WIPF2: variants seen among roughly 807,000 people sequenced by gnomAD.
The protein encoded by WIPF2 is WAS/WASL-interacting protein family member 2.
In WIPF2, 23 loss-of-function variants were observed where a neutral mutation model predicts 38.8. The ratio of observed to expected loss-of-function variants is 0.59; its 90% CI spans 0.43 to 0.84. The LOEUF (loss-of-function observed/expected upper bound fraction) is 0.84. Ranked by LOEUF, WIPF2 falls within the 40% of genes least tolerant of loss-of-function variation. The pLI is 0.00. For missense variants in WIPF2, 574 were observed against 580.5 expected, an observed-to-expected ratio of 0.99 and a Z score of 0.11; for synonymous variants, 210 against 223.2, an observed-to-expected ratio of 0.94 and a Z score of 0.53.
intron 1 of WIPF2, chr17:40,220,605 A>ATATATATATATATG (rs1224904787): frequency 8.6e-6 from 1 of 116,322 alleles, no homozygotes; most frequent in Non-Finnish European, 1.7e-5. Flanking sequence ...ATATATATAT[A>ATATATATATATATG]TATATATATA....
chr17:40,220,976 C>G (rs2145260419), intron 1 of WIPF2, among the ~76,000 whole-genome samples: 1 of 151,904 alleles, frequency 6.6e-6, no homozygotes, highest in African/African-American at 2.4e-5. Context: ...GACGGGGTTT[C>G]ACTGTGTTAG....
At chr17:40,233,691 G>A (rs527705141) in intron 1 of WIPF2, among the ~76,000 whole-genome samples, 1 of 152,220 alleles carries the variant, frequency 6.6e-6, no homozygotes, top group African/African-American at 2.4e-5. Flanking sequence ...TGTAATCCCA[G>A]CACTTTAGGA....
chr17:40,240,831 G>C (rs1375529409), intron 1 of WIPF2, among the ~76,000 whole-genome samples: 1 of 151,510 alleles, frequency 6.6e-6, no homozygotes, highest in Non-Finnish European at 1.5e-5. Context: ...TGTAGTACCA[G>C]CTACTCGGGA....
intron 1 of WIPF2, among the ~76,000 whole-genome samples, chr17:40,250,331 C>T (rs1486273873): frequency 5.6e-5 from 8 of 141,924 alleles, no homozygotes; most frequent in South Asian, 2.4e-4. Flanking sequence ...CCCGGGTTCA[C>T]GCCATTCTTC....
At chr17:40,258,546 G>A (rs1250419004) in intron 2 of WIPF2, among the ~76,000 whole-genome samples, 3 of 151,974 alleles carry the variant, frequency 2.0e-5, no homozygotes, top group South Asian at 4.1e-4. Context: ...AGCCGAGATC[G>A]CGCCACTGCA....
In WIPF2 at chr17:40,233,834, C is replaced by T. The variant is rs550439223; in HGVS notation, c.-70+14342C>T. Among the ~76,000 whole-genome samples the T allele has an allele frequency of 2.6e-5, 4 of 151,972 alleles. No individual in the cohort carries two copies. The South Asian group carries it at 8.3e-4, about 32-fold the overall frequency. ...ATCTGAACACTTTGGGAAGCCGAGG[C>T]GGGCGGATCACCTGAGGTTGGGAGT... On this transcript the variant is annotated intron_variant, in intron 1 of 7. Coordinates refer to ENST00000323571, the MANE Select transcript of WIPF2 (RefSeq NM_133264.5).
intron 1 of WIPF2, among the ~76,000 whole-genome samples, chr17:40,237,340 A>T (rs991825053): frequency 1.3e-5 from 2 of 148,886 alleles, no homozygotes; most frequent in African/African-American, 5.0e-5. Context: ...TCCTGGGTTC[A>T]AGGGATTCCC....
chr17:40,252,326 C>G (rs2031584855), intron 1 of WIPF2, among the ~76,000 whole-genome samples: 2 of 151,970 alleles, frequency 1.3e-5, no homozygotes, highest in South Asian at 2.1e-4. Flanking sequence ...TTGGGTCATT[C>G]TAGGAGATCC....
rs1567722350 is a variant in WIPF2 at position 40,264,798 on chromosome 17, C to A, written c.622C>A (p.Pro208Thr). 1.9e-6 allele frequency: 3 copies of A among 1,608,122 alleles called. No individual in the cohort carries two copies. Among genetic ancestry groups the A allele is most frequent in the Non-Finnish European group, 2.5e-6 (3 of 1,179,170 alleles). The change falls in exon 5 of 8, where the codon CCC (proline) becomes ACC (threonine). Residue 208 changes from proline to threonine, a missense_variant. Physicochemically the swap from Pro to Thr is conservative, Grantham distance 38 (BLOSUM62 -1). Transcript: ENST00000323571. The stretch of plus-strand genomic sequence containing the variant: ...AGCCCCCGCCTACAACAGAGAGAAA[C>A]CCTTGCCACCGACGCCTGGACAAAG... The part of the protein sequence containing the change: ...SKAPAYNREK[P>T]LPPTPGQRLH...
intron 1 of WIPF2, among the ~76,000 whole-genome samples, chr17:40,245,509 A>G: frequency 6.6e-6 from 1 of 151,842 alleles, no homozygotes; most frequent in Non-Finnish European, 1.5e-5. Flanking sequence ...TGCTTGGCTG[A>G]CTTTTATATT....
intron 1 of WIPF2, among the ~76,000 whole-genome samples, chr17:40,256,118 A>G (rs867277637): frequency 3.3e-5 from 5 of 150,522 alleles, no homozygotes; most frequent in African/African-American, 9.7e-5. Flanking sequence ...AAAAAAAAAA[A>G]AGGACACAAG....
intron 5 of WIPF2, among the ~76,000 whole-genome samples, chr17:40,269,706 G>A (rs1172962563): frequency 7.2e-6 from 1 of 138,746 alleles, no homozygotes; most frequent in Non-Finnish European, 1.5e-5. Context: ...CCAGGTTCAC[G>A]CCATTCTCCT....
intron 3 of WIPF2, 79 bp from the exon 4 acceptor site, chr17:40,262,446 G>A (rs1598491539): frequency 8.8e-7 from 1 of 1,135,488 alleles, no homozygotes; most frequent in Admixed American, 1.9e-5. Context: ...CCCAGATAGA[G>A]GAGTGGTTTC....
At chr17:40,245,262 C>T (rs1339720222) in intron 1 of WIPF2, among the ~76,000 whole-genome samples, 6 of 151,976 alleles carry the variant, frequency 3.9e-5, no homozygotes, top group African/African-American at 1.5e-4. Context: ...ATGTAAGCTC[C>T]AAGACAGTAG....
intron 3 of WIPF2, among the ~76,000 whole-genome samples, chr17:40,262,097 A>G (rs1476951966): frequency 7.3e-6 from 1 of 136,634 alleles, no homozygotes; most frequent in African/African-American, 2.7e-5. Context: ...TTTTTTTTGA[A>G]ACAGGGTCTT....
At chr17:40,268,549 G>A (rs977888134) in intron 5 of WIPF2, among the ~76,000 whole-genome samples, 1 of 151,970 alleles carries the variant, frequency 6.6e-6, no homozygotes, top group African/African-American at 2.4e-5. Flanking sequence ...CTTTCTCTGT[G>A]GTAGCTAGGA....
chr17:40,264,933 C>A lies in WIPF2; in HGVS notation c.757C>A (p.Pro253Thr), dbSNP rs1188873277. 4.6e-5 allele frequency: 75 copies of A among 1,614,118 alleles called. No individual in the cohort carries two copies. Among genetic ancestry groups the A allele is most frequent in the Non-Finnish European group, 6.3e-5 (74 of 1,180,044 alleles). The change falls in exon 5 of 8, where the codon CCG (proline) becomes ACG (threonine). Residue 253 changes from proline to threonine, a missense_variant. Coordinates refer to ENST00000323571, the MANE Select transcript of WIPF2 (RefSeq NM_133264.5). ...TGGCCAGTCTCTGGCTCCTCCTCCTCCGCCTTACCGCCAGCCTCCTGGGGT... is the reference window on the plus strand; with the variant it reads ...TGGCCAGTCTCTGGCTCCTCCTCCTACGCCTTACCGCCAGCCTCCTGGGGT... Reference protein sequence around the residue: ...PSGQSLAPPPPPYRQPPGVPN... With the variant: ...PSGQSLAPPPTPYRQPPGVPN...
intron 1 of WIPF2, among the ~76,000 whole-genome samples, chr17:40,238,852 C>G (rs2031078434): frequency 6.6e-6 from 1 of 151,852 alleles, no homozygotes; most frequent in African/African-American, 2.4e-5. Context: ...ACCTCATGAT[C>G]CGCCCGCCTT....
Position 40,280,114 on chromosome 17 carries a change from G to A in WIPF2, c.*1889G>A. 1 of 152,144 alleles carries A rather than the reference G, an allele frequency of 6.6e-6. No homozygotes were observed. The highest frequency in any genetic ancestry group is 2.4e-5 in the African/African-American group (1 of 41,414). 9.4% of individuals were successfully genotyped at this position (152,144 alleles called of 1,614,324 possible). On this transcript the variant is annotated 3_prime_UTR_variant, in exon 8 of 8. Transcript: ENST00000323571. ...CAAACTTTTCCTAATCATTTTTTATGTATCATTCTTCTTTCTAATCTGTTA... is the reference window on the plus strand; with the variant it reads ...CAAACTTTTCCTAATCATTTTTTATATATCATTCTTCTTTCTAATCTGTTA...
Sources: allele counts gnomAD v4.1 joint callset (sites outside exome capture counted in the v4.1 genomes callset), GRCh38; gene constraint gnomAD v4.1.1; transcripts MANE v1.5; gene names NCBI Gene and HGNC (gene_info 2026-07-23, HGNC 2026-07-21).